Variants in IFI44L observed in about 807,000 individuals in gnomAD.
The protein encoded by IFI44L is interferon-induced protein 44-like.
In IFI44L, 40 loss-of-function variants were observed where a neutral mutation model predicts 39.3. The ratio of observed to expected loss-of-function variants is 1.02; its 90% confidence interval spans 0.79 to 1.33. The LOEUF is 1.33. Ranked by LOEUF, IFI44L falls within the 40% of genes most tolerant of loss-of-function variation. The pLI is 0.00. For synonymous variants in IFI44L, 198 were observed against 182.3 expected (o/e 1.09, Z -0.69); for missense variants, 623 against 549.0 (o/e 1.13, Z -1.35).
At chr1:78,623,250 A>T (rs1652344178) in intron 1 of IFI44L, among the ~76,000 whole-genome samples, 1 of 152,114 alleles carries the variant, frequency 6.6e-6, no homozygotes, top group Non-Finnish European at 1.5e-5. Flanking sequence ...AGAAGTGGTA[A>T]AAGTGGATAA....
intron 1 of IFI44L, among the ~76,000 whole-genome samples, chr1:78,621,352 A>T (rs1652267278): frequency 6.6e-6 from 1 of 152,152 alleles, no homozygotes; most frequent in Non-Finnish European, 1.5e-5. Flanking sequence ...GCTCACTGCA[A>T]CCTCAGCCTC....
At chr1:78,626,506 C>A (rs1461980726) in intron 1 of IFI44L, 1 of 151,972 alleles carries the variant, frequency 6.6e-6, no homozygotes, top group African/African-American at 2.4e-5. Context: ...TATTTTGAAG[C>A]TGGAAGAATG....
chr1:78,631,558 A>C (rs1652749705), intron 4 of IFI44L: 1 of 152,162 alleles, frequency 6.6e-6, no homozygotes, highest in Admixed American at 6.6e-5. Flanking sequence ...TTTTCTTTGC[A>C]ATCTTCCCAA....
In IFI44L at chr1:78,628,116, A is replaced by G; in HGVS notation, c.201A>G (p.Gly67=). 1.2e-6 allele frequency: 2 copies of G among 1,612,484 alleles called. No homozygotes were observed. The highest frequency in any genetic ancestry group is 1.3e-5 in the African/African-American group (1 of 74,962). ...ATATGATTGTAGCCTTTATGCTTGG[A>G]AATTATATTAATTTACATGAAAGTT... The part of the protein sequence containing the change: ...DYNMIVAFML[G]NYINLHESST... Residue 67 remains glycine (G), a synonymous_variant, in exon 2 of 9, where the codon GGA becomes GGG. Coordinates refer to ENST00000370751, the MANE Select transcript of IFI44L (RefSeq NM_006820.4).
chr1:78,641,775 G>A lies in IFI44L; in HGVS notation c.1325G>A (p.Gly442Asp). The change falls in exon 9 of 9, where the codon GGT becomes GAT. Residue 442 changes from glycine to aspartate, a missense_variant and splice_region_variant. By Grantham distance (94) the Gly-to-Asp change is moderately conservative (BLOSUM62 -1). Coordinates refer to ENST00000370751, the MANE Select transcript of IFI44L (RefSeq NM_006820.4). ...FLEDLPLEET[G>D]AIERALQPCI The stretch of plus-strand genomic sequence containing the variant: ...CCACTCTTGTTTGTTTCATTTTCAG[G>A]TGCAATTGAGAGAGCGTTACAGCCC... 1 of 1,613,656 alleles carries A rather than the reference G, an allele frequency of 6.2e-7. No homozygotes were observed. Among genetic ancestry groups the A allele is most frequent in the Non-Finnish European group, 8.5e-7 (1 of 1,179,666 alleles).
Position 78,641,926 on chromosome 1 carries a change from C to G in IFI44L, c.*117C>G. On this transcript the variant is annotated 3_prime_UTR_variant, in exon 9 of 9. Transcript: ENST00000370751. Reference sequence around the variant, plus strand: ...GCTTTTGTTCGTTTTGCCTTCTGTCCTTGGAACAGTCATATCTCAAGTTCA... The same window carrying G: ...GCTTTTGTTCGTTTTGCCTTCTGTCGTTGGAACAGTCATATCTCAAGTTCA... 1 of 1,150,834 alleles carries G rather than the reference C, an allele frequency of 8.7e-7. No individual in the cohort carries two copies. Among genetic ancestry groups the G allele is most frequent in the African/African-American group, 1.5e-5 (1 of 65,832 alleles). 71.3% of individuals were successfully genotyped at this position (1,150,834 alleles called of 1,614,324 possible).
At chr1:78,636,868 C>T (rs1288116702) in intron 5 of IFI44L, 164 bp from the exon 6 acceptor site, 10 of 545,620 alleles carry the variant, frequency 1.8e-5, no homozygotes, top group Non-Finnish European at 3.2e-5. Context: ...GCATTATGCT[C>T]ACAGTGGAAA....
At chr1:78,630,018 C>A (rs1278191953) in intron 4 of IFI44L, 103 bp downstream of exon 4, 3 of 1,083,538 alleles carry the variant, frequency 2.8e-6, no homozygotes, top group Middle Eastern at 2.6e-4. Flanking sequence ...CAATTAAATG[C>A]TAAATCAAAT....
At chr1:78,627,367 G>C (rs1350805860) in intron 1 of IFI44L, 2 of 151,654 alleles carry the variant, frequency 1.3e-5, no homozygotes, top group South Asian at 2.1e-4. Context: ...TTCTTTATGT[G>C]CTGTTTTTTG....
intron 4 of IFI44L, chr1:78,631,452 T>A (rs1406874614): frequency 1.3e-5 from 2 of 152,152 alleles, no homozygotes; most frequent in Non-Finnish European, 2.9e-5. Flanking sequence ...TTACAATAAG[T>A]CATAGACTGT....
At position 78,643,646 on chromosome 1, in the gene IFI44L, GTTGTTGTTTTTTTTTTTT is replaced by G. The variant is rs1647013310; in HGVS notation, c.*1840_*1857del. On this transcript the variant is annotated 3_prime_UTR_variant, in exon 9 of 9. Coordinates refer to ENST00000370751, the MANE Select transcript of IFI44L (RefSeq NM_006820.4). Reference sequence around the variant, plus strand: ...TTTTTGTTTGTTTTGTTTTTTTTTTGTTGTTGTTTTTTTTTTTTTTTGTTTTTTTGCTGAGTCAATTCC... The same window carrying G: ...TTTTTGTTTGTTTTGTTTTTTTTTTGTTTGTTTTTTTGCTGAGTCAATTCC... 1.1e-5 allele frequency: 1 copy of G among 92,104 alleles called. No homozygotes were observed. Among genetic ancestry groups the G allele is most frequent in the African/African-American group, 3.1e-5 (1 of 32,550 alleles). 5.7% of individuals were successfully genotyped at this position (92,104 alleles called of 1,614,324 possible).
chr1:78,639,326 G>C (rs936915915), intron 6 of IFI44L, among the ~76,000 whole-genome samples: 1 of 152,070 alleles, frequency 6.6e-6, no homozygotes, highest in Non-Finnish European at 1.5e-5. Flanking sequence ...AGTTGGGAAA[G>C]GGAAGGACAT....
chr1:78,627,879 C>A (rs1652549655), intron 1 of IFI44L, 27 bp from the exon 2 acceptor site: 4 of 1,334,824 alleles, frequency 3.0e-6, no homozygotes, highest in Non-Finnish European at 4.0e-6. Flanking sequence ...ATATAAGCTT[C>A]TCAACCTATA....
Position 78,635,429 on chromosome 1 carries a change from A to G in IFI44L, c.816A>G (p.Ala272=), listed in dbSNP as rs142599489. The G allele has an allele frequency of 1.8e-4, 292 of 1,613,756 alleles. 2 individuals carry two copies. The African/African-American group carries it at 3.5e-3, about 19-fold the overall frequency. ...DTMGLDGAEG[A]GLCMDDIPHI... The stretch of plus-strand genomic sequence containing the variant: ...TGGGGCTAGATGGGGCAGAAGGAGC[A>G]GGACTGTGCATGGATGACATTCCCC... The change falls in exon 5 of 9, where the codon GCA becomes GCG. Residue 272 remains alanine (A), a synonymous_variant. Transcript: ENST00000370751.
At chr1:78,637,714 C>T (rs1327302601) in intron 6 of IFI44L, among the ~76,000 whole-genome samples, 1 of 152,030 alleles carries the variant, frequency 6.6e-6, no homozygotes, top group Non-Finnish European at 1.5e-5. Flanking sequence ...TGGAATCATA[C>T]AGTATGTCAC....
chr1:78,621,651 G>A (rs955092297), intron 1 of IFI44L, among the ~76,000 whole-genome samples: 1 of 151,786 alleles, frequency 6.6e-6, no homozygotes, highest in Non-Finnish European at 1.5e-5. Flanking sequence ...TGTCATAATT[G>A]TTTTTATGGT....
At chr1:78,640,723 A>G (rs1646972389) in intron 6 of IFI44L, among the ~76,000 whole-genome samples, 1 of 152,100 alleles carries the variant, frequency 6.6e-6, no homozygotes, top group African/African-American at 2.4e-5. Flanking sequence ...CCCAAAGTCC[A>G]GCAACCCCTT....
chr1:78,641,782 TGA>T lies in IFI44L; in HGVS notation c.1338_1339del (p.Arg446SerfsTer9), dbSNP rs1646988605. ...TGTTTGTTTCATTTTCAGGTGCAAT[TGA>T]GAGAGCGTTACAGCCCTGCATTTGA... is the stretch of plus-strand genomic sequence containing the variant. ...DLPLEETGAI[E>X]RALQPCI On this transcript the variant is annotated frameshift_variant, in exon 9 of 9. Transcript: ENST00000370751. LOFTEE classifies it low-confidence loss of function (END_TRUNC). 6.2e-7 allele frequency: 1 copy of T among 1,613,740 alleles called. No individual in the cohort carries two copies. The highest frequency in any genetic ancestry group is 8.5e-7 in the Non-Finnish European group (1 of 1,179,682).
intron 4 of IFI44L, among the ~76,000 whole-genome samples, chr1:78,633,149 A>G (rs1044840407): frequency 1.3e-5 from 2 of 152,176 alleles, no homozygotes; most frequent in Non-Finnish European, 2.9e-5. Flanking sequence ...CGTTATCTGC[A>G]TCACCCCCCT....
Sources: gnomAD v4.1 joint callset for allele counts (sites outside exome capture counted in the v4.1 genomes callset) on GRCh38, gnomAD v4.1.1 for gene constraint, MANE v1.5 for transcripts, NCBI Gene and HGNC (gene_info 2026-07-23, HGNC 2026-07-21) for gene names.